LCA5L: variants seen among roughly 807,000 people sequenced by gnomAD.
LCA5L encodes the protein lebercilin-like protein.
A neutral mutation model predicts 45.4 loss-of-function variants in LCA5L; 35 were observed. That is an observed-to-expected ratio of 0.77 (90% CI 0.59 to 1.02). The LOEUF (loss-of-function observed/expected upper bound fraction) is 1.02, where lower values mean the gene tolerates loss of function less well. Among genes scored for constraint, LCA5L ranks in the 50% least tolerant of loss-of-function variants. The pLI is 0.00. For synonymous variants in LCA5L, 233 were observed against 264.7 expected (o/e 0.88, Z 1.16); for missense variants, 668 against 761.6 (o/e 0.88, Z 1.45).
intron 5 of LCA5L, chr21:39,427,620 C>T (rs1280687006): frequency 1.3e-5 from 2 of 151,088 alleles, no homozygotes; most frequent in African/African-American, 4.9e-5. Context: ...CGAGATGGCG[C>T]CACTGCACTC....
At chr21:39,418,226 G>A (rs1479347048) in intron 7 of LCA5L, among the ~76,000 whole-genome samples, 5 of 152,168 alleles carry the variant, frequency 3.3e-5, no homozygotes, top group Non-Finnish European at 5.9e-5. Context: ...TGAGATTTGG[G>A]TGGGGACACA....
At chr21:39,434,718 A>G (rs1377987783) in intron 3 of LCA5L, among the ~76,000 whole-genome samples, 1 of 151,916 alleles carries the variant, frequency 6.6e-6, no homozygotes, top group Admixed American at 6.6e-5. Flanking sequence ...GGGTCTCACT[A>G]TGTTGCCCAG....
intron 3 of LCA5L, among the ~76,000 whole-genome samples, chr21:39,431,320 G>T (rs2075689161): frequency 6.6e-6 from 1 of 151,990 alleles, no homozygotes; most frequent in African/African-American, 2.4e-5. Context: ...AAAAATGCTT[G>T]AAAAATCAAA....
At position 39,423,205 on chromosome 21, in the gene LCA5L, T is replaced by C. The variant is rs763156713; in HGVS notation, c.608A>G (p.His203Arg). Reference sequence around the variant, plus strand: ...CCTTAAATTTTTTACTTCATTCTGATGTTTAGCCATAATTTGAGGTAGATT... The same window carrying C: ...CCTTAAATTTTTTACTTCATTCTGACGTTTAGCCATAATTTGAGGTAGATT... ...QNNLPQIMAK[H>R]QNEVKNLRQL... The change falls in exon 6 of 11, where the codon CAT (histidine) becomes CGT (arginine). Residue 203 changes from histidine (H) to arginine (R), a missense_variant. Coordinates refer to ENST00000288350, the MANE Select transcript of LCA5L (RefSeq NM_152505.4). 27 of 1,612,546 alleles carry C rather than the reference T, an allele frequency of 1.7e-5. No homozygotes were observed. The highest frequency in any genetic ancestry group is 1.7e-5 in the Non-Finnish European group (20 of 1,179,552).
chr21:39,413,118 T>C (rs2040401532), intron 7 of LCA5L, among the ~76,000 whole-genome samples: 1 of 152,208 alleles, frequency 6.6e-6, no homozygotes, highest in African/African-American at 2.4e-5. Flanking sequence ...AGCAGCCACA[T>C]TCAGTACACA....
At chr21:39,414,713 CCT>C (rs147915021) in intron 7 of LCA5L, among the ~76,000 whole-genome samples, 1,792 of 119,810 alleles carry the variant, frequency 0.015, 19 homozygotes, top group African/African-American at 0.026. Context: ...TGGTTCTCTC[CCT>C]CTCTCTCTCT....
intron 1 of LCA5L, chr21:39,444,672 T>C (rs1437847085): frequency 6.6e-6 from 1 of 152,120 alleles, no homozygotes; most frequent in Non-Finnish European, 1.5e-5. Context: ...ACCAAGGTGG[T>C]GACAGTGGCG....
intron 2 of LCA5L, among the ~76,000 whole-genome samples, chr21:39,441,037 G>A (rs976540819): frequency 6.6e-6 from 1 of 152,134 alleles, no homozygotes; most frequent in Admixed American, 6.5e-5. Context: ...GGGAGGTTAT[G>A]ATTCTTAACA....
rs1334800234 is a variant in LCA5L at position 39,406,563 on chromosome 21, A to G, written c.1332T>C (p.Asn444=). The G allele has an allele frequency of 1.2e-6, 2 of 1,608,392 alleles. No individual in the cohort carries two copies. Among genetic ancestry groups the G allele is most frequent in the African/African-American group, 2.7e-5 (2 of 74,268 alleles). ...KHLEVQILLE[N]TGRQKDKKED... Reference sequence around the variant, plus strand: ...CTTTTTTGTCTTTTTGTCTTCCAGTATTCTCCAGCAGTATTTGGACTTCCA... The same window carrying G: ...CTTTTTTGTCTTTTTGTCTTCCAGTGTTCTCCAGCAGTATTTGGACTTCCA... The change falls in exon 11 of 11, where the codon AAT becomes AAC. Residue 444 remains asparagine, a synonymous_variant. Coordinates refer to ENST00000288350, the MANE Select transcript of LCA5L (RefSeq NM_152505.4).
intron 5 of LCA5L, among the ~76,000 whole-genome samples, chr21:39,427,166 C>T (rs541946795): frequency 4.6e-5 from 7 of 152,120 alleles, no homozygotes; most frequent in Non-Finnish European, 7.4e-5. Context: ...TTATTGTCCT[C>T]CTGTTGACTG....
At chr21:39,417,207 A>C (rs1339561326) in intron 7 of LCA5L, among the ~76,000 whole-genome samples, 1 of 151,574 alleles carries the variant, frequency 6.6e-6, no homozygotes, top group Non-Finnish European at 1.5e-5. Flanking sequence ...TAATTTTTTT[A>C]TTTTTGTATT....
intron 4 of LCA5L, 95 bp from the exon 5 acceptor site, chr21:39,428,598 A>ATATTTT (rs1242243392): frequency 3.1e-5 from 1 of 32,034 alleles, no homozygotes; most frequent in African/African-American, 1.0e-4. Context: ...ATATATATAT[A>ATATTTT]TTTTTTTTTT....
intron 3 of LCA5L, among the ~76,000 whole-genome samples, chr21:39,430,298 C>A (rs1469637989): frequency 6.6e-6 from 1 of 152,212 alleles, no homozygotes; most frequent in Admixed American, 6.5e-5. Flanking sequence ...TAGAGTTCGG[C>A]TGACTTCTGC....
chr21:39,414,035 G>A (rs1014405128), intron 7 of LCA5L: 3 of 152,244 alleles, frequency 2.0e-5, no homozygotes, highest in African/African-American at 7.2e-5. Flanking sequence ...TGGGCCAGAA[G>A]TCTAACACAG....
At chr21:39,420,976 G>C in intron 6 of LCA5L, 133 bp from the exon 7 acceptor site, 2 of 584,692 alleles carry the variant, frequency 3.4e-6, no homozygotes, top group Non-Finnish European at 5.7e-6. Context: ...TTATACAGGG[G>C]ACATATATTG....
intron 2 of LCA5L, among the ~76,000 whole-genome samples, chr21:39,437,607 G>A (rs373901071): frequency 7.9e-5 from 12 of 152,062 alleles, no homozygotes; most frequent in South Asian, 4.2e-4. Flanking sequence ...CTACAGGCAC[G>A]TGCCACCATG....
At position 39,406,366 on chromosome 21, in the gene LCA5L, G is replaced by A. The variant is rs772543714; in HGVS notation, c.1529C>T (p.Thr510Ile). The change falls in exon 11 of 11, where the codon ACT becomes ATT. Residue 510 changes from threonine to isoleucine, a missense_variant. By Grantham distance (89) the Thr-to-Ile change is moderately conservative. Transcript: ENST00000288350. ...NGVDDTLGKG[T>I]APYTKGPLRQ... ...GAGGGGGCCTTTCGTGTAGGGAGCA[G>A]TGCCTTTGCCAAGTGTGTCATCCAC... The A allele has an allele frequency of 6.2e-7, 1 of 1,613,772 alleles. No individual in the cohort carries two copies. The highest frequency in any genetic ancestry group is 1.7e-5 in the Admixed American group (1 of 59,990).
chr21:39,406,821 A>C lies in LCA5L; in HGVS notation c.1283-209T>G, dbSNP rs144762069. On this transcript the variant is annotated intron_variant, in intron 10 of 10. Coordinates refer to ENST00000288350, the MANE Select transcript of LCA5L (RefSeq NM_152505.4). The stretch of plus-strand genomic sequence containing the variant: ...TACAGTTTCTTGGAACTTCCCAAGC[A>C]GATGGGAATTATGAAACCAAAAGAA... 82 of 473,984 alleles carry C rather than the reference A, an allele frequency of 1.7e-4. No homozygotes were observed. In the East Asian group the frequency reaches 2.4e-3, roughly 14 times the overall value. The allele number at this position is 473,984 out of a possible 1,614,324, so 29.4% of individuals were successfully genotyped here.
intron 7 of LCA5L, among the ~76,000 whole-genome samples, chr21:39,418,657 G>A (rs2147516658): frequency 6.6e-6 from 1 of 152,112 alleles, no homozygotes; most frequent in Admixed American, 6.5e-5. Context: ...GCATCACCAT[G>A]CCAAGCTAAT....
Sources: gnomAD v4.1 joint callset for allele counts (sites outside exome capture counted in the v4.1 genomes callset) on GRCh38, gnomAD v4.1.1 for gene constraint, MANE v1.5 for transcripts, NCBI Gene and HGNC (gene_info 2026-07-23, HGNC 2026-07-21) for gene names.